Variants in CNTN3 observed in about 807,000 individuals in gnomAD.
The protein encoded by CNTN3 is contactin-3.
In CNTN3, 60 loss-of-function variants were observed where a neutral mutation model predicts 119.1. The ratio of observed to expected loss-of-function variants is 0.50; its 90% confidence interval spans 0.41 to 0.62. The LOEUF is 0.62. CNTN3 is among the 20% of genes least tolerant of loss of function. CNTN3 has a pLI of 0.00. For missense variants in CNTN3, 1,101 were observed against 1,242.4 expected (o/e 0.89, Z 1.71); for synonymous variants, 450 against 438.7 (o/e 1.03, Z -0.32).
At chr3:74,600,082 GAA>G (rs1055927436) in intron 1 of CNTN3, among the ~76,000 whole-genome samples, 5 of 151,828 alleles carry the variant, frequency 3.3e-5, no homozygotes, top group African/African-American at 1.2e-4. Flanking sequence ...AAGTGAGGAA[GAA>G]AAAAGAGAAG....
chr3:74,521,897 T>C lies in CNTN3; in HGVS notation c.-80-705A>G, dbSNP rs141569159. On this transcript the variant is annotated intron_variant, in intron 1 of 22. Transcript: ENST00000263665. ...AAGCTTCATGGTTAATGATCAAGTA[T>C]GCGCGATACACAGACCTAAATCTCT... Among the ~76,000 whole-genome samples, 555 of 151,976 alleles carry C rather than the reference T, an allele frequency of 3.7e-3. 1 individual carries two copies. The highest frequency in any genetic ancestry group is 0.013 in the African/African-American group (538 of 41,544).
In CNTN3 at chr3:74,460,772, CATATATATATATATATAT is replaced by C. The variant is rs71129755; in HGVS notation, c.358+25666_358+25683del. On this transcript the variant is annotated intron_variant, in intron 4 of 22. Coordinates refer to ENST00000263665, the MANE Select transcript of CNTN3 (RefSeq NM_020872.3). ...TAGAGATAGTTTTATTTCTTATTTT[CATATATATATATATATAT>C]ATATATATATATATATATATATATA... Among the ~76,000 whole-genome samples, 488 of 89,502 alleles carry C rather than the reference CATATATATATATATATAT, an allele frequency of 5.5e-3. 9 individuals are homozygous for C. Among genetic ancestry groups the C allele is most frequent in the Middle Eastern group, 0.029 (3 of 102 alleles). 58.7% of individuals were successfully genotyped at this position (89,502 alleles called of 152,430 possible).
chr3:74,397,672 A>G (rs1705090652), intron 5 of CNTN3, among the ~76,000 whole-genome samples: 1 of 152,126 alleles, frequency 6.6e-6, no homozygotes, highest in Non-Finnish European at 1.5e-5. Flanking sequence ...TAAGAAACAC[A>G]TTTTTCAAGA....
chr3:74,607,972 A>G (rs539846521), intron 1 of CNTN3, among the ~76,000 whole-genome samples: 19 of 152,330 alleles, frequency 1.2e-4, no homozygotes, highest in Middle Eastern at 3.4e-3. Context: ...TAATGTACCA[A>G]TGTCAATTTC....
At chr3:74,271,205 T>C (rs1020404794) in intron 20 of CNTN3, among the ~76,000 whole-genome samples, 1 of 152,062 alleles carries the variant, frequency 6.6e-6, no homozygotes, top group South Asian at 2.1e-4. Flanking sequence ...CACAGGAAAA[T>C]GGCTAAATAA....
At chr3:74,282,258 T>C (rs1702028840) in intron 20 of CNTN3, among the ~76,000 whole-genome samples, 1 of 149,994 alleles carries the variant, frequency 6.7e-6, no homozygotes, top group Admixed American at 6.7e-5. Context: ...CTTGTGTTAT[T>C]TTACATTAAT....
intron 5 of CNTN3, among the ~76,000 whole-genome samples, chr3:74,390,217 A>T (rs1053517985): frequency 2.0e-5 from 3 of 152,220 alleles, no homozygotes; most frequent in African/African-American, 2.4e-5. Flanking sequence ...ATAGACCTAG[A>T]TTCCCAAATC....
intron 20 of CNTN3, among the ~76,000 whole-genome samples, chr3:74,278,033 AAAC>A (rs1163564711): frequency 6.2e-5 from 8 of 128,686 alleles, no homozygotes; most frequent in African/African-American, 1.9e-4. Context: ...CAAAAAAAAA[AAAC>A]CACTTATGAA....
intron 1 of CNTN3, among the ~76,000 whole-genome samples, chr3:74,539,369 G>A (rs1270525630): frequency 1.3e-5 from 2 of 152,064 alleles, no homozygotes; most frequent in Non-Finnish European, 2.9e-5. Flanking sequence ...TGATGAGGGT[G>A]TTTAATCTTT....
intron 5 of CNTN3, among the ~76,000 whole-genome samples, chr3:74,419,086 C>T (rs776130908): frequency 2.6e-4 from 39 of 152,082 alleles, no homozygotes; most frequent in Non-Finnish European, 4.9e-4. Context: ...CATGAGCCAC[C>T]GCACCTGGCC....
chr3:74,338,058 T>G (rs1178295057), intron 11 of CNTN3, among the ~76,000 whole-genome samples: 1 of 152,146 alleles, frequency 6.6e-6, no homozygotes, highest in Non-Finnish European at 1.5e-5. Context: ...ACATAATGCA[T>G]TTAACACTTG....
Position 74,361,910 on chromosome 3 carries a change from C to A in CNTN3, c.1344G>T (p.Val448=), listed in dbSNP as rs745598925. Residue 448 remains valine (V), a synonymous_variant, in exon 11 of 23, where the codon GTG becomes GTT. Coordinates refer to ENST00000263665, the MANE Select transcript of CNTN3 (RefSeq NM_020872.3). ...AATACCTTTCATGCTCCTGCACGCT[C>A]ACATCCCCCTTCTTCCAGGAAGAGA... The part of the protein sequence containing the change: ...RALSSWKKGD[V]SVQEHERISL... The A allele has an allele frequency of 2.5e-6, 4 of 1,613,156 alleles. No individual in the cohort carries two copies. The Admixed American group carries it at 6.7e-5, about 27-fold the overall frequency.
chr3:74,286,208 C>T (rs569429028), intron 19 of CNTN3, among the ~76,000 whole-genome samples: 14 of 151,984 alleles, frequency 9.2e-5, no homozygotes, highest in Non-Finnish European at 1.9e-4. Context: ...GTAGCATCTA[C>T]AGAAGATAAG....
intron 13 of CNTN3, among the ~76,000 whole-genome samples, chr3:74,319,999 A>T (rs1052862592): frequency 3.9e-5 from 6 of 152,222 alleles, no homozygotes; most frequent in African/African-American, 1.4e-4. Context: ...AATGGCGATC[A>T]TTAAAAAGTC....
intron 1 of CNTN3, among the ~76,000 whole-genome samples, chr3:74,579,261 A>C (rs1646957607): frequency 6.6e-6 from 1 of 152,014 alleles, no homozygotes. Context: ...AGCATGCACA[A>C]ATTGACAGAT....
chr3:74,490,504 T>C (rs76473458), intron 3 of CNTN3, among the ~76,000 whole-genome samples: 2,270 of 152,216 alleles, frequency 0.015, 50 homozygotes, highest in African/African-American at 0.052. Flanking sequence ...ATATGGAAAA[T>C]TTTAAAGATA....
At chr3:74,384,629 T>C (rs796638599) in intron 5 of CNTN3, among the ~76,000 whole-genome samples, 2 of 152,350 alleles carry the variant, frequency 1.3e-5, no homozygotes, top group African/African-American at 4.8e-5. Flanking sequence ...GTCCTGATGA[T>C]TTACCTTGGT....
intron 11 of CNTN3, among the ~76,000 whole-genome samples, chr3:74,352,427 T>C (rs77541990): frequency 0.019 from 2,868 of 152,300 alleles, 95 homozygotes; most frequent in African/African-American, 0.066. Flanking sequence ...CAGCCAGTCC[T>C]AGTTTACATG....
chr3:74,455,380 T>C (rs1441261028), intron 4 of CNTN3, among the ~76,000 whole-genome samples: 1 of 151,998 alleles, frequency 6.6e-6, no homozygotes, highest in Non-Finnish European at 1.5e-5. Context: ...TTCTCTGTAT[T>C]GGTTATTCTA....
Sources: allele counts gnomAD v4.1 joint callset (sites outside exome capture counted in the v4.1 genomes callset), GRCh38; gene constraint gnomAD v4.1.1; transcripts MANE v1.5; gene names NCBI Gene and HGNC (gene_info 2026-07-23, HGNC 2026-07-21).